VPS13B: variants seen among roughly 807,000 people sequenced by gnomAD.
The protein encoded by VPS13B is intermembrane lipid transfer protein VPS13B.
In VPS13B, 285 loss-of-function variants were observed where a neutral mutation model predicts 426.4. That is an observed-to-expected ratio of 0.67 (90% CI 0.61 to 0.74). The LOEUF (loss-of-function observed/expected upper bound fraction) is 0.74, where lower values mean the gene tolerates loss of function less well. VPS13B is among the 30% of genes least tolerant of loss of function. The pLI is 0.00. For synonymous variants in VPS13B, 1,676 were observed against 1,676.4 expected (o/e 1.00, Z 0.01); for missense variants, 4,537 against 4,782.6 (o/e 0.95, Z 1.51).
chr8:99,559,405 G>A (rs952611882), intron 31 of VPS13B, among the ~76,000 whole-genome samples: 7 of 152,152 alleles, frequency 4.6e-5, no homozygotes, highest in African/African-American at 7.2e-5. Context: ...AAGCTCTTTA[G>A]TTTAATTAGA....
chr8:99,367,309 AAAT>A (rs1812944910), intron 19 of VPS13B, among the ~76,000 whole-genome samples: 1 of 152,234 alleles, frequency 6.6e-6, no homozygotes, highest in Non-Finnish European at 1.5e-5. Context: ...TCAGAACTTT[AAAT>A]ATTTCATGTC....
intron 3 of VPS13B, among the ~76,000 whole-genome samples, chr8:99,084,660 T>C (rs1289773355): frequency 5.9e-5 from 9 of 152,218 alleles, no homozygotes; most frequent in Non-Finnish European, 1.5e-5. Flanking sequence ...TGTGTCTTTG[T>C]TCTCATTGGT....
At chr8:99,875,112 G>A in intron 61 of VPS13B, 1 of 393,558 alleles carries the variant, frequency 2.5e-6, no homozygotes, top group East Asian at 5.7e-5. Context: ...AACAATGACA[G>A]ATGTTTTAAT....
At chr8:99,542,201 A>C (rs1303712774) in intron 30 of VPS13B, among the ~76,000 whole-genome samples, 1 of 152,176 alleles carries the variant, frequency 6.6e-6, no homozygotes, top group Non-Finnish European at 1.5e-5. Context: ...AGCAATAATA[A>C]AGGCTTAAGC....
At chr8:99,159,232 G>A (rs1280747613) in intron 15 of VPS13B, among the ~76,000 whole-genome samples, 1 of 152,208 alleles carries the variant, frequency 6.6e-6, no homozygotes, top group African/African-American at 2.4e-5. Context: ...CTTGAATGGA[G>A]GAGGAGTTGC....
At chr8:99,212,570 T>G (rs1330056227) in intron 17 of VPS13B, among the ~76,000 whole-genome samples, 2 of 152,168 alleles carry the variant, frequency 1.3e-5, no homozygotes, top group East Asian at 3.9e-4. Flanking sequence ...CTCAGAGAAA[T>G]AGAGTCAGAG....
chr8:99,452,755 A>G (rs1818263210), intron 23 of VPS13B, among the ~76,000 whole-genome samples: 1 of 152,228 alleles, frequency 6.6e-6, no homozygotes, highest in Non-Finnish European at 1.5e-5. Context: ...TTGGACTTCT[A>G]AAGTTCAAAA....
chr8:99,221,372 C>T (rs780700743), intron 17 of VPS13B, among the ~76,000 whole-genome samples: 1 of 151,950 alleles, frequency 6.6e-6, no homozygotes, highest in African/African-American at 2.4e-5. Context: ...ACACTGACTT[C>T]GTTTCAGAAT....
chr8:99,551,290 T>A (rs992281134), intron 30 of VPS13B, among the ~76,000 whole-genome samples: 1 of 152,078 alleles, frequency 6.6e-6, no homozygotes, highest in Non-Finnish European at 1.5e-5. Context: ...TGTTGTATAA[T>A]GTAATGTAAA....
intron 43 of VPS13B, among the ~76,000 whole-genome samples, chr8:99,805,063 C>G (rs1813318660): frequency 6.8e-6 from 1 of 146,224 alleles, no homozygotes; most frequent in Admixed American, 6.8e-5. Context: ...AAATATATTA[C>G]CAGAATATAT....
At chr8:99,704,875 AG>A (rs1468962590) in intron 36 of VPS13B, among the ~76,000 whole-genome samples, 1 of 152,206 alleles carries the variant, frequency 6.6e-6, no homozygotes, top group African/African-American at 2.4e-5. Flanking sequence ...AAAGAGTAAA[AG>A]GGGATTATCT....
At chr8:99,027,968 C>A (rs1191115819) in intron 2 of VPS13B, among the ~76,000 whole-genome samples, 1 of 152,144 alleles carries the variant, frequency 6.6e-6, no homozygotes, top group Non-Finnish European at 1.5e-5. Flanking sequence ...TCTTGCACCG[C>A]CCTTAATCCA....
chr8:99,745,098 TC>T (rs1488575372), intron 39 of VPS13B, among the ~76,000 whole-genome samples: 1 of 152,156 alleles, frequency 6.6e-6, no homozygotes, highest in Non-Finnish European at 1.5e-5. Flanking sequence ...TTTACTTTTT[TC>T]TTTTTTTGAT....
chr8:99,176,177 C>T (rs1382424656), intron 16 of VPS13B, among the ~76,000 whole-genome samples: 3 of 151,612 alleles, frequency 2.0e-5, no homozygotes. Context: ...TGGTCTGTTG[C>T]CCAGGCTGGA....
chr8:99,099,646 T>C (rs1005728503), intron 4 of VPS13B, among the ~76,000 whole-genome samples: 5 of 152,212 alleles, frequency 3.3e-5, no homozygotes, highest in African/African-American at 1.2e-4. Flanking sequence ...CATTTCTCTT[T>C]AATGTTGAGG....
Position 99,720,846 on chromosome 8 carries a change from A to ATACTT in VPS13B, c.6866-15_6866-11dup. On this transcript the variant is annotated splice_polypyrimidine_tract_variant and intron_variant, in intron 38 of 61. Coordinates refer to ENST00000357162, the MANE Select transcript of VPS13B (RefSeq NM_152564.5). ...TCCCCTTTAAATCATACAATTAATTATACTTTTATTTGACAGAATCTTTGA... is the reference window on the plus strand; with the variant it reads ...TCCCCTTTAAATCATACAATTAATTATACTTTACTTTTATTTGACAGAATCTTTGA... 1 of 1,600,980 alleles carries ATACTT rather than the reference A, an allele frequency of 6.2e-7. No individual in the cohort carries two copies. Among genetic ancestry groups the ATACTT allele is most frequent in the Non-Finnish European group, 8.5e-7 (1 of 1,170,782 alleles).
At chr8:99,234,517 G>C (rs1445852905) in intron 17 of VPS13B, 1 of 500,068 alleles carries the variant, frequency 2.0e-6, no homozygotes. Flanking sequence ...GGGCTTCCGC[G>C]GGGTTGGGGT....
chr8:99,778,073 T>C (rs1811828174), intron 41 of VPS13B, among the ~76,000 whole-genome samples: 1 of 151,588 alleles, frequency 6.6e-6, no homozygotes, highest in African/African-American at 2.4e-5. Flanking sequence ...CTACTAAAAA[T>C]ACAAAAAAAT....
intron 19 of VPS13B, among the ~76,000 whole-genome samples, chr8:99,368,248 G>C (rs1199371506): frequency 1.3e-5 from 2 of 152,106 alleles, no homozygotes; most frequent in African/African-American, 4.8e-5. Context: ...TTCCTTTTCA[G>C]GTTTCTCTTA....
Sources: allele counts gnomAD v4.1 joint callset (sites outside exome capture counted in the v4.1 genomes callset), GRCh38; gene constraint gnomAD v4.1.1; transcripts MANE v1.5; gene names NCBI Gene and HGNC (gene_info 2026-07-23, HGNC 2026-07-21).